SDHAF3: variants seen among roughly 807,000 people sequenced by gnomAD.
SDHAF3 encodes succinate dehydrogenase assembly factor 3, mitochondrial.
In SDHAF3, 18 loss-of-function variants were observed where a neutral mutation model predicts 11.5. The ratio of observed to expected loss-of-function variants is 1.56; its 90% CI spans 1.08 to 2.32. SDHAF3 has a LOEUF of 2.32. SDHAF3 is among the 30% of genes most tolerant of loss of function. The probability of loss-of-function intolerance (pLI) is 0.00; values close to 1 mark genes in which losing one functional copy is unlikely to be tolerated. For synonymous variants in SDHAF3, 72 were observed against 59.3 expected (o/e 1.21, Z -0.99); for missense variants, 200 against 154.4 (o/e 1.30, Z -1.57).
intron 1 of SDHAF3, among the ~76,000 whole-genome samples, chr7:97,178,678 T>C (rs1413130556): frequency 6.6e-6 from 1 of 152,208 alleles, no homozygotes; most frequent in East Asian, 1.9e-4. Flanking sequence ...TGTCTATTCA[T>C]GTGCTTTACC....
intron 1 of SDHAF3, among the ~76,000 whole-genome samples, chr7:97,169,793 C>T (rs370598725): frequency 3.9e-4 from 60 of 151,902 alleles, no homozygotes; most frequent in African/African-American, 1.4e-3. Flanking sequence ...TTAATGTCTG[C>T]GAGTGAAATT....
intron 1 of SDHAF3, among the ~76,000 whole-genome samples, chr7:97,180,723 GT>G (rs1414570531): frequency 1.3e-5 from 2 of 152,156 alleles, no homozygotes; most frequent in African/African-American, 4.8e-5. Context: ...ATGGTTTGAG[GT>G]GGTTTATGCA....
At chr7:97,176,021 T>A (rs1284204824) in intron 1 of SDHAF3, among the ~76,000 whole-genome samples, 1 of 152,202 alleles carries the variant, frequency 6.6e-6, no homozygotes, top group Non-Finnish European at 1.5e-5. Context: ...TTTCTTCATA[T>A]CACATTCTCC....
Position 97,141,219 on chromosome 7 carries a change from G to A in SDHAF3, c.174+23322G>A, listed in dbSNP as rs946534787. 3.3e-5 allele frequency among the ~76,000 whole-genome samples: 5 copies of A among 152,086 alleles called. No homozygotes were observed. The South Asian group carries it at 6.2e-4, about 19-fold the overall frequency. ...GATAAGATGTTATCAATGACAATGC[G>A]TGCCGGAAACTTCATTAGCAATTTT... On this transcript the variant is annotated intron_variant, in intron 1 of 1. Coordinates refer to ENST00000432641, the MANE Select transcript of SDHAF3 (RefSeq NM_020186.3).
Position 97,122,070 on chromosome 7 carries a change from G to T in SDHAF3, c.174+4173G>T, listed in dbSNP as rs572768143. On this transcript the variant is annotated intron_variant, in intron 1 of 1. Transcript: ENST00000432641. The stretch of plus-strand genomic sequence containing the variant: ...GATGGGGTTTCACTGTGTTAGCCAG[G>T]ATGGTATTGATCTCCCGACCTTATG... 2.6e-5 allele frequency among the ~76,000 whole-genome samples: 4 copies of T among 152,212 alleles called. No individual in the cohort carries two copies. The South Asian group carries it at 8.3e-4, about 32-fold the overall frequency.
At chr7:97,140,660 A>G (rs376507718) in intron 1 of SDHAF3, among the ~76,000 whole-genome samples, 4 of 152,222 alleles carry the variant, frequency 2.6e-5, no homozygotes, top group East Asian at 1.9e-4. Context: ...GATTTCATGG[A>G]CACTTATCAC....
At chr7:97,168,000 G>T (rs557453941) in intron 1 of SDHAF3, among the ~76,000 whole-genome samples, 1 of 152,156 alleles carries the variant, frequency 6.6e-6, no homozygotes, top group African/African-American at 2.4e-5. Context: ...CACGTGCACT[G>T]GGGGGAATGG....
chr7:97,166,699 G>T (rs1789510794), intron 1 of SDHAF3, among the ~76,000 whole-genome samples: 1 of 152,022 alleles, frequency 6.6e-6, no homozygotes. Flanking sequence ...AATATTTCAG[G>T]TTTACTTTAG....
chr7:97,120,336 G>C (rs552472087), intron 1 of SDHAF3, among the ~76,000 whole-genome samples: 1 of 152,130 alleles, frequency 6.6e-6, no homozygotes. Context: ...GGAGTTAGAC[G>C]TGGTAGGTTG....
chr7:97,144,881 TA>T (rs1197539080), intron 1 of SDHAF3, among the ~76,000 whole-genome samples: 1 of 152,224 alleles, frequency 6.6e-6, no homozygotes, highest in Admixed American at 6.5e-5. Flanking sequence ...ACGGAATTTG[TA>T]GATTGCTTTT....
chr7:97,134,222 C>T (rs1791713308), intron 1 of SDHAF3, among the ~76,000 whole-genome samples: 1 of 152,224 alleles, frequency 6.6e-6, no homozygotes, highest in Non-Finnish European at 1.5e-5. Context: ...CTTCACACCA[C>T]ATGCCTTGAA....
intron 1 of SDHAF3, among the ~76,000 whole-genome samples, chr7:97,124,324 AG>A (rs1791543119): frequency 6.6e-6 from 1 of 152,052 alleles, no homozygotes; most frequent in African/African-American, 2.4e-5. Flanking sequence ...GTTATTTCTG[AG>A]GCCTCTGTTT....
chr7:97,179,383 T>C (rs1011901652), intron 1 of SDHAF3, among the ~76,000 whole-genome samples: 1 of 152,220 alleles, frequency 6.6e-6, no homozygotes, highest in African/African-American at 2.4e-5. Flanking sequence ...TGTTGATACA[T>C]AGACTTGTAG....
chr7:97,145,428 G>A (rs964852622), intron 1 of SDHAF3, among the ~76,000 whole-genome samples: 8 of 152,094 alleles, frequency 5.3e-5, no homozygotes, highest in African/African-American at 1.7e-4. Flanking sequence ...TTAAAAGGGA[G>A]TAAATATTTT....
rs73406438 is a variant in SDHAF3, at chr7:97,158,622, C to T, written c.175-22390C>T. Among the ~76,000 whole-genome samples, 136 of 152,194 alleles carry T rather than the reference C, an allele frequency of 8.9e-4. 1 individual carries two copies. The highest frequency in any genetic ancestry group is 3.0e-3 in the African/African-American group (124 of 41,520). On this transcript the variant is annotated intron_variant, in intron 1 of 1. Coordinates refer to ENST00000432641, the MANE Select transcript of SDHAF3 (RefSeq NM_020186.3). ...TACAGATGTGAGCCACTGCACCCAG[C>T]GAGTTTCCCCATGTTTATGAGTAAT...
At chr7:97,178,287 T>C (rs1055120237) in intron 1 of SDHAF3, among the ~76,000 whole-genome samples, 3 of 152,226 alleles carry the variant, frequency 2.0e-5, no homozygotes, top group Non-Finnish European at 4.4e-5. Context: ...ATTTTGTTTA[T>C]CTGCTTGCTG....
intron 1 of SDHAF3, among the ~76,000 whole-genome samples, chr7:97,132,383 T>G (rs939849350): frequency 2.0e-5 from 3 of 151,720 alleles, no homozygotes; most frequent in Admixed American, 1.3e-4. Context: ...AAGTATTTCT[T>G]TTTTACGTAA....
chr7:97,150,090 A>G (rs977742365), intron 1 of SDHAF3, among the ~76,000 whole-genome samples: 45 of 152,372 alleles, frequency 3.0e-4, no homozygotes, highest in Middle Eastern at 3.4e-3. Flanking sequence ...ATCAGATTAC[A>G]GCAAGTCAGT....
At chr7:97,171,688 A>G (rs1789603223) in intron 1 of SDHAF3, among the ~76,000 whole-genome samples, 1 of 152,064 alleles carries the variant, frequency 6.6e-6, no homozygotes, top group South Asian at 2.1e-4. Context: ...AAGGAGGCCT[A>G]GGCTACATGC....
Sources: gnomAD v4.1 joint callset for allele counts (sites outside exome capture counted in the v4.1 genomes callset) on GRCh38, gnomAD v4.1.1 for gene constraint, MANE v1.5 for transcripts, NCBI Gene and HGNC (gene_info 2026-07-23, HGNC 2026-07-21) for gene names.